Variants in KIAA0753 observed in about 807,000 individuals in gnomAD.
KIAA0753 encodes the protein KIAA0753.
In KIAA0753, 114 loss-of-function variants were observed where a neutral mutation model predicts 116.9. The observed-to-expected ratio is 0.98, with a 90% CI of 0.84 to 1.14. The LOEUF is 1.14. Ranked by LOEUF, KIAA0753 falls within the 50% of genes most tolerant of loss-of-function variation. The pLI is 0.00. For synonymous variants in KIAA0753, 405 were observed against 413.1 expected (o/e 0.98, Z 0.24); for missense variants, 1,156 against 1,172.4 (o/e 0.99, Z 0.20).
Position 6,635,110 on chromosome 17 carries a change from A to G in KIAA0753, c.-7T>C. 1 of 1,601,478 alleles carries G rather than the reference A, an allele frequency of 6.2e-7. No homozygotes were observed. The highest frequency in any genetic ancestry group is 8.6e-7 in the Non-Finnish European group (1 of 1,168,414). ...CTGGCTGGCCTGGTCCCATAATGTC[A>G]GGTAGTACAGAACAATAGTGACAGC... is the stretch of plus-strand genomic sequence containing the variant. On this transcript the variant is annotated 5_prime_UTR_variant, in exon 2 of 19. The change abolishes the stop of an existing upstream ORF in the 5' untranslated region. Transcript: ENST00000361413.
chr17:6,636,612 A>C (rs1972339249), intron 1 of KIAA0753, among the ~76,000 whole-genome samples: 2 of 151,958 alleles, frequency 1.3e-5, no homozygotes, highest in African/African-American at 4.8e-5. Flanking sequence ...CCACTGCTCC[A>C]GGAAACGTCC....
chr17:6,631,052 A>T (rs903931525), intron 2 of KIAA0753, among the ~76,000 whole-genome samples: 1 of 152,170 alleles, frequency 6.6e-6, no homozygotes, highest in Non-Finnish European at 1.5e-5. Flanking sequence ...ATTTGGAACC[A>T]TGTTAATGTT....
At position 6,628,711 on chromosome 17, in the gene KIAA0753, T is replaced by C. The variant is rs919533892; in HGVS notation, c.124A>G (p.Thr42Ala). The C allele has an allele frequency of 9.3e-6, 15 of 1,609,114 alleles. No individual in the cohort carries two copies. In the Admixed American group the frequency reaches 1.9e-4, roughly 20 times the overall value. The change falls in exon 3 of 19, where the codon ACA becomes GCA. Residue 42 changes from threonine to alanine, a missense_variant. Thr to Ala is a moderately conservative substitution (Grantham distance 58). Transcript: ENST00000361413. Reference sequence around the variant, plus strand: ...CGGATCGCCAAGTTGCTTGAATGTGTAGGAACATTCCTATTAAACTGCAGC... The same window carrying C: ...CGGATCGCCAAGTTGCTTGAATGTGCAGGAACATTCCTATTAAACTGCAGC... ...NQLQFNRNVP[T>A]HSSNLAIRYS...
chr17:6,640,705 G>A lies in KIAA0753; in HGVS notation c.-137C>T. On this transcript the variant is annotated 5_prime_UTR_variant, in exon 1 of 19. Transcript: ENST00000361413. ...GGCCCCCAACAAGGCCGCGCTTCCG[G>A]CCGCCTGCCCAGTCGCCATAGCAAC... 6.2e-6 allele frequency: 1 copy of A among 161,198 alleles called. No homozygotes were observed. Among genetic ancestry groups the A allele is most frequent in the Non-Finnish European group, 1.4e-5 (1 of 73,298 alleles). 10.0% of individuals were successfully genotyped at this position (161,198 alleles called of 1,614,324 possible).
At position 6,623,298 on chromosome 17, in the gene KIAA0753, C is replaced by A. The variant is rs542959779; in HGVS notation, c.889-201G>T. The stretch of plus-strand genomic sequence containing the variant: ...TCCTTACTACTTCCAATTTTTTATA[C>A]CAGCAGCAACAACAACAAAAATCTA... On this transcript the variant is annotated intron_variant, in intron 5 of 18. Coordinates refer to ENST00000361413, the MANE Select transcript of KIAA0753 (RefSeq NM_014804.3). 6.6e-5 allele frequency among the ~76,000 whole-genome samples: 10 copies of A among 152,266 alleles called. No individual in the cohort carries two copies. The East Asian group carries it at 1.2e-3, about 18-fold the overall frequency.
In KIAA0753 at chr17:6,611,309, T is replaced by C. The variant is rs1970526761; in HGVS notation, c.1545+610A>G. Among the ~76,000 whole-genome samples the C allele has an allele frequency of 3.9e-5, 6 of 152,244 alleles. No individual in the cohort carries two copies. In the South Asian group the frequency reaches 1.2e-3, roughly 32 times the overall value. ...TTATCTTTAGCAGGAACTAATTTTT[T>C]TTTTTCTTTAAGACAGGGTCTTACT... On this transcript the variant is annotated intron_variant, in intron 8 of 18. Transcript: ENST00000361413.
chr17:6,606,977 CAA>C lies in KIAA0753; in HGVS notation c.1920-17_1920-16del, dbSNP rs1477040836. 1 of 1,609,492 alleles carries C rather than the reference CAA, an allele frequency of 6.2e-7. No homozygotes were observed. The highest frequency in any genetic ancestry group is 2.2e-5 in the East Asian group (1 of 44,792). On this transcript the variant is annotated splice_polypyrimidine_tract_variant and intron_variant, in intron 11 of 18. Coordinates refer to ENST00000361413, the MANE Select transcript of KIAA0753 (RefSeq NM_014804.3). ...GCCAATCAAGCCTAGAGAACAGTAT[CAA>C]GAGTCACCCCAACTCTCCTCAAGGC... is the stretch of plus-strand genomic sequence containing the variant.
intron 8 of KIAA0753, 44 bp from the exon 9 acceptor site, chr17:6,610,204 A>T: frequency 6.2e-7 from 1 of 1,602,534 alleles, no homozygotes; most frequent in Non-Finnish European, 8.5e-7. Context: ...CAAATACCAA[A>T]GAAACTATGG....
chr17:6,624,571 C>T (rs1377484283), intron 4 of KIAA0753, among the ~76,000 whole-genome samples, 184 bp downstream of exon 4: 2 of 151,624 alleles, frequency 1.3e-5, no homozygotes, highest in South Asian at 2.1e-4. Context: ...CACACACACA[C>T]GCAGATTACA....
In KIAA0753 at chr17:6,599,261, T is replaced by C. The variant is rs746164509; in HGVS notation, c.2148A>G (p.Thr716=). The stretch of plus-strand genomic sequence containing the variant: ...CCTCCTGTGCAGGCTGGGCTTTCGC[T>C]GTGTTTACTGACGAGCCATCTTTCA... ...IHLKDGSSVN[T]AKAQPAQEVA... is the part of the protein sequence containing the mutation. Residue 716 remains threonine, a synonymous_variant, in exon 14 of 19, where the codon ACA becomes ACG. Coordinates refer to ENST00000361413, the MANE Select transcript of KIAA0753 (RefSeq NM_014804.3). The C allele has an allele frequency of 1.2e-6, 2 of 1,613,846 alleles. No homozygotes were observed. The highest frequency in any genetic ancestry group is 2.2e-5 in the South Asian group (2 of 91,078).
intron 1 of KIAA0753, chr17:6,638,796 C>A (rs1189937938): frequency 6.5e-6 from 1 of 152,986 alleles, no homozygotes; most frequent in African/African-American, 2.4e-5. Flanking sequence ...CCCTTACCAT[C>A]TGTCCCGCTC....
chr17:6,619,738 C>T (rs1266958532), intron 7 of KIAA0753, among the ~76,000 whole-genome samples: 2 of 151,990 alleles, frequency 1.3e-5, no homozygotes, highest in Admixed American at 1.3e-4. Flanking sequence ...GTATGTTCTA[C>T]TTTAATTTAA....
intron 16 of KIAA0753, 80 bp from the exon 17 acceptor site, chr17:6,590,710 C>G (rs952753382): frequency 7.3e-6 from 11 of 1,510,790 alleles, no homozygotes; most frequent in South Asian, 3.4e-5. Flanking sequence ...TGGCCAAGAA[C>G]CTGAGAGCAA....
At chr17:6,631,878 G>T (rs1972038461) in intron 2 of KIAA0753, among the ~76,000 whole-genome samples, 1 of 152,010 alleles carries the variant, frequency 6.6e-6, no homozygotes, top group South Asian at 2.1e-4. Flanking sequence ...GTTGAGCCTG[G>T]AGTATCTTTT....
Position 6,623,048 on chromosome 17 carries a change from G to C in KIAA0753, c.938C>G (p.Ala313Gly), listed in dbSNP as rs766059630. Residue 313 changes from alanine to glycine, a missense_variant, in exon 6 of 19, where the codon GCC (alanine) becomes GGC (glycine). Transcript: ENST00000361413. ...LAAAHRGAIR[A>G]LQMFVTQFTD... The stretch of plus-strand genomic sequence containing the variant: ...AAACTGAGTGACAAACATCTGTAAG[G>C]CCCGAATGGCTCCTCGATGGGCAGC... 2 of 1,614,062 alleles carry C rather than the reference G, an allele frequency of 1.2e-6. No individual in the cohort carries two copies. The highest frequency in any genetic ancestry group is 1.7e-6 in the Non-Finnish European group (2 of 1,180,018).
chr17:6,629,748 T>A (rs1304812256), intron 2 of KIAA0753, among the ~76,000 whole-genome samples: 1 of 152,200 alleles, frequency 6.6e-6, no homozygotes, highest in African/African-American at 2.4e-5. Context: ...TTTATATAAT[T>A]ACAGGCATCA....
intron 2 of KIAA0753, among the ~76,000 whole-genome samples, chr17:6,631,753 A>T (rs1290905718): frequency 6.6e-6 from 1 of 152,226 alleles, no homozygotes; most frequent in Non-Finnish European, 1.5e-5. Context: ...ACATGATAGT[A>T]TCAAGGAGCA....
chr17:6,597,439 A>AC (rs1969560055), intron 14 of KIAA0753, among the ~76,000 whole-genome samples: 1 of 152,222 alleles, frequency 6.6e-6, no homozygotes, highest in Non-Finnish European at 1.5e-5. Context: ...ATTAAAAAGG[A>AC]TAAGGAAGGT....
rs771848569 is a variant in KIAA0753, at chr17:6,579,801, G to A, written c.2850C>T (p.Cys950=). Residue 950 remains cysteine, a synonymous_variant, in exon 19 of 19, where the codon TGC becomes TGT. Coordinates refer to ENST00000361413, the MANE Select transcript of KIAA0753 (RefSeq NM_014804.3). ...TGAACACAGCTTCTGCATAATCTTC[G>A]CACATATCCTGAAGTTCAGCAGCCA... ...GAVAAELQDM[C]EDYAEAVFTS... is the part of the protein sequence containing the mutation. The A allele has an allele frequency of 6.8e-6, 11 of 1,613,684 alleles. No homozygotes were observed. The highest frequency in any genetic ancestry group is 1.3e-5 in the African/African-American group (1 of 74,892).
Sources: allele counts gnomAD v4.1 joint callset (sites outside exome capture counted in the v4.1 genomes callset), GRCh38; gene constraint gnomAD v4.1.1; transcripts MANE v1.5; gene names NCBI Gene and HGNC (gene_info 2026-07-23, HGNC 2026-07-21).